The following ADCY5 variants were observed in gnomAD, a reference collection of about 807,000 sequenced individuals.
The protein encoded by ADCY5 is adenylate cyclase type 5.
In ADCY5, 30 loss-of-function variants were observed where a neutral mutation model predicts 119.7. The observed-to-expected ratio is 0.25, with a 90% CI of 0.19 to 0.34. ADCY5 has a LOEUF of 0.34. Among genes scored for constraint, ADCY5 ranks in the 10% least tolerant of loss-of-function variants. ADCY5 has a pLI of 1.00. For missense variants in ADCY5, 1,324 were observed against 1,775.2 expected (o/e 0.75, Z 4.57); for synonymous variants, 753 against 762.2 (o/e 0.99, Z 0.20).
intron 1 of ADCY5, among the ~76,000 whole-genome samples, chr3:123,429,339 C>T (rs1351533926): frequency 6.6e-6 from 1 of 152,148 alleles, no homozygotes; most frequent in African/African-American, 2.4e-5. Flanking sequence ...ATGGTCCATC[C>T]CACACCTGGC....
chr3:123,418,979 G>T, intron 1 of ADCY5: 1 of 216,634 alleles, frequency 4.6e-6, no homozygotes, highest in Non-Finnish European at 7.9e-6. Context: ...CTTCAGGCTT[G>T]GACTGAAACC....
At chr3:123,433,411 A>G (rs1446939412) in intron 1 of ADCY5, among the ~76,000 whole-genome samples, 4 of 152,210 alleles carry the variant, frequency 2.6e-5, no homozygotes, top group African/African-American at 9.6e-5. Context: ...TGGCCAGAGG[A>G]AGACTGGGGA....
chr3:123,318,296 T>A, intron 10 of ADCY5, 179 bp from the exon 11 acceptor site: 1 of 564,234 alleles, frequency 1.8e-6, no homozygotes, highest in South Asian at 1.9e-5. Flanking sequence ...CCAGTCCAGA[T>A]CACCAGAAGG....
chr3:123,335,661 C>G (rs984488620), intron 3 of ADCY5, among the ~76,000 whole-genome samples: 2 of 152,118 alleles, frequency 1.3e-5, no homozygotes, highest in Admixed American at 1.3e-4. Context: ...AGGTACAGGA[C>G]CCCCCTGAGA....
At chr3:123,418,944 A>C (rs7429365) in intron 1 of ADCY5, 56,622 of 160,312 alleles carry the variant, frequency 0.35, 13,385 homozygotes, top group African/African-American at 0.66. Context: ...GGGACTTACA[A>C]CATTGTCTCT....
At chr3:123,396,558 GAGAA>G (rs1251070985) in intron 1 of ADCY5, among the ~76,000 whole-genome samples, 3 of 120,958 alleles carry the variant, frequency 2.5e-5, no homozygotes, top group Middle Eastern at 5.3e-3. Context: ...GAAAGAAAAA[GAGAA>G]AGAAAGGAAG....
chr3:123,421,006 C>G (rs964343594), intron 1 of ADCY5, among the ~76,000 whole-genome samples: 1 of 152,124 alleles, frequency 6.6e-6, no homozygotes, highest in Admixed American at 6.5e-5. Flanking sequence ...CAAATTTCCC[C>G]TTTTTATAAG....
intron 1 of ADCY5, among the ~76,000 whole-genome samples, chr3:123,372,602 C>A (rs1372320208): frequency 6.6e-6 from 1 of 152,152 alleles, no homozygotes; most frequent in Non-Finnish European, 1.5e-5. Context: ...AGCAAGAGTA[C>A]CTCAAGAGAA....
At position 123,286,202 on chromosome 3, in the gene ADCY5, G is replaced by T. The variant is rs182870495; in HGVS notation, c.3657+483C>A. 6.6e-6 allele frequency among the ~76,000 whole-genome samples: 1 copy of T among 152,326 alleles called. No individual in the cohort carries two copies. Among genetic ancestry groups the T allele is most frequent in the African/African-American group, 2.4e-5 (1 of 41,586 alleles). Reference sequence around the variant, plus strand: ...GCAAAGGAGGGAGCAAGGGGAAAAGGCCTCTGAGTCTGTGGCCAGGGCCCT... The same window carrying T: ...GCAAAGGAGGGAGCAAGGGGAAAAGTCCTCTGAGTCTGTGGCCAGGGCCCT... On this transcript the variant is annotated intron_variant, in intron 20 of 20. Coordinates refer to ENST00000462833, the MANE Select transcript of ADCY5 (RefSeq NM_183357.3). The surrounding 1 kb of genome is among the most constrained non-coding windows in gnomAD (Gnocchi z 4.2).
chr3:123,396,343 GAA>G (rs1304223155), intron 1 of ADCY5, among the ~76,000 whole-genome samples: 1 of 125,018 alleles, frequency 8.0e-6, no homozygotes, highest in Non-Finnish European at 1.6e-5. Flanking sequence ...GAAAAGAGAA[GAA>G]AAAGAGAGAG....
At chr3:123,396,450 G>A (rs552320201) in intron 1 of ADCY5, among the ~76,000 whole-genome samples, 2 of 114,904 alleles carry the variant, frequency 1.7e-5, no homozygotes, top group South Asian at 5.9e-4. Context: ...AGGAAGGAAG[G>A]GAGGGAAGGA....
rs1413476013 is a variant in ADCY5, at chr3:123,283,637, G to A, written c.*971C>T. ...ATCTGAAATGAGGGAAACACATCCT[G>A]TGTGAGACCAGTTCCACAGCATGAA... On this transcript the variant is annotated 3_prime_UTR_variant, in exon 21 of 21. Transcript: ENST00000462833. 6.6e-6 allele frequency: 1 copy of A among 152,144 alleles called. No homozygotes were observed. Among genetic ancestry groups the A allele is most frequent in the African/African-American group, 2.4e-5 (1 of 41,380 alleles). 9.4% of individuals were successfully genotyped at this position (152,144 alleles called of 1,614,324 possible).
chr3:123,303,525 A>C (rs1191563943), intron 13 of ADCY5, among the ~76,000 whole-genome samples: 2 of 152,096 alleles, frequency 1.3e-5, no homozygotes, highest in Non-Finnish European at 2.9e-5. Flanking sequence ...ACTTAGTGGG[A>C]GAGTAGCCAA....
intron 1 of ADCY5, among the ~76,000 whole-genome samples, chr3:123,422,614 G>A (rs1320457018): frequency 6.6e-6 from 1 of 152,206 alleles, no homozygotes; most frequent in Non-Finnish European, 1.5e-5. Context: ...GCAGGGCAGA[G>A]GCAGTGAGCT....
rs770017376 is a variant in ADCY5, at chr3:123,300,192, T to A, written c.2828A>T (p.Tyr943Phe). 2 of 1,613,822 alleles carry A rather than the reference T, an allele frequency of 1.2e-6. No individual in the cohort carries two copies. Among genetic ancestry groups the A allele is most frequent in the South Asian group, 1.1e-5 (1 of 91,084 alleles). ...ACCTGGCACCTCCACGATGAGCACG[T>A]AGATGAGCTCGATGGCCAGCATGAG... is the stretch of plus-strand genomic sequence containing the variant. Reference protein sequence around the residue: ...LVLMLAIELIYVLIVEVPGVT... With the variant: ...LVLMLAIELIFVLIVEVPGVT... Residue 943 changes from tyrosine (Y) to phenylalanine (F), a missense_variant, in exon 15 of 21, where the codon TAC becomes TTC. Around this residue, in one of 6 missense-constraint regions of ADCY5, gnomAD observed 424 missense variants for 546.8 expected, o/e 0.78. Transcript: ENST00000462833.
intron 1 of ADCY5, among the ~76,000 whole-genome samples, chr3:123,413,678 T>C (rs576028430): frequency 3.0e-4 from 46 of 152,328 alleles, no homozygotes; most frequent in African/African-American, 1.1e-3. Context: ...GCTGTCAGTC[T>C]AACCTAAATC....
At chr3:123,356,308 A>G (rs6789820) in intron 1 of ADCY5, among the ~76,000 whole-genome samples, 2,904 of 152,334 alleles carry the variant, frequency 0.019, 92 homozygotes, top group African/African-American at 0.067. Flanking sequence ...AACTTCATCA[A>G]AATTTTAAAA....
At chr3:123,318,230 C>T in intron 10 of ADCY5, 113 bp from the exon 11 acceptor site, 1 of 742,202 alleles carries the variant, frequency 1.3e-6, no homozygotes, top group South Asian at 1.6e-5. Flanking sequence ...CCTGTGCAGC[C>T]CACTCCCACA....
At chr3:123,307,415 A>G (rs1033479068) in intron 12 of ADCY5, among the ~76,000 whole-genome samples, 2 of 152,196 alleles carry the variant, frequency 1.3e-5, no homozygotes, top group African/African-American at 2.4e-5. Flanking sequence ...ATGCATTTGA[A>G]AGTGCTCTGT....
Sources: gnomAD v4.1 joint callset for allele counts (sites outside exome capture counted in the v4.1 genomes callset) on GRCh38, gnomAD v4.1.1 for gene constraint, gnomAD v4.1.1 regional missense constraint, Gnocchi (gnomAD v3.1) non-coding constraint, MANE v1.5 for transcripts, NCBI Gene and HGNC (gene_info 2026-07-23, HGNC 2026-07-21) for gene names.